CLEC4M: variants seen among roughly 807,000 people sequenced by gnomAD.
CLEC4M encodes C-type lectin domain family 4 member M, also known as CD209 antigen-like protein 1.
CLEC4M carries 25 observed loss-of-function variants against 39.1 expected under a neutral mutation model. The ratio of observed to expected loss-of-function variants is 0.64; its 90% CI spans 0.47 to 0.89. CLEC4M has a LOEUF of 0.89. Among genes scored for constraint, CLEC4M ranks in the 40% least tolerant of loss-of-function variants. CLEC4M has a pLI of 0.00. For synonymous variants in CLEC4M, 155 were observed against 177.4 expected (o/e 0.87, Z 1.00); for missense variants, 353 against 431.4 (o/e 0.82, Z 1.61).
rs987422850 is a variant in CLEC4M at position 7,763,382 on chromosome 19, T to G, written c.47-11T>G. 2 of 1,613,824 alleles carry G rather than the reference T, an allele frequency of 1.2e-6. No homozygotes were observed. The highest frequency in any genetic ancestry group is 3.3e-5 in the Admixed American group (2 of 59,994). On this transcript the variant is annotated splice_polypyrimidine_tract_variant and intron_variant, in intron 1 of 6. Coordinates refer to ENST00000327325, the MANE Select transcript of CLEC4M (RefSeq NM_014257.5). ...ATGGCCCAGGCTCTGAGCTGATGTC[T>G]GTCAATTCAGAAGAAGATCCAACAA...
At chr19:7,767,130 CT>C in intron 5 of CLEC4M, 1 of 452,134 alleles carries the variant, frequency 2.2e-6, no homozygotes, top group Non-Finnish European at 4.1e-6. Flanking sequence ...TCCACTGCGG[CT>C]GATTTCAAGC....
Position 7,763,294 on chromosome 19 carries a change from C to A in CLEC4M, c.28C>A (p.Gln10Lys), listed in dbSNP as rs145497205. ...GAGTGACTCCAAGGAACCAAGGGTG[C>A]AGCAGCTGGGCCTCCTGGGTAAGGC... Reference protein sequence around the residue: MSDSKEPRVQQLGLLEEDPT... With the variant: MSDSKEPRVKQLGLLEEDPT... The change falls in exon 1 of 7, where the codon CAG (glutamine) becomes AAG (lysine). Residue 10 changes from glutamine to lysine, a missense_variant. Gln to Lys is a moderately conservative substitution (Grantham distance 53, BLOSUM62 1). Coordinates refer to ENST00000327325, the MANE Select transcript of CLEC4M (RefSeq NM_014257.5). 1.7e-4 allele frequency: 279 copies of A among 1,608,296 alleles called. 3 individuals are homozygous for A. The highest frequency in any genetic ancestry group is 1.3e-3 in the Middle Eastern group (8 of 5,952).
Position 7,766,805 on chromosome 19 carries a change from C to T in CLEC4M, c.934C>T (p.Gln312Ter). Reference protein sequence around the residue: ...QLVVIKTAEEQNFLQLQTSRS... With the variant: ...QLVVIKTAEE ...CGTCGTAATCAAAACTGCTGAGGAG[C>T]AGGTACACGTGGTGGGGGTCCTCGT... is the stretch of plus-strand genomic sequence containing the variant. The change falls in exon 5 of 7, where the codon CAG becomes TAG. Residue 312 changes from glutamine (Q) to a stop codon, truncating the protein, a stop_gained and splice_region_variant. Transcript: ENST00000327325. LOFTEE classifies it high-confidence loss of function. The T allele has an allele frequency of 6.2e-7, 1 of 1,614,184 alleles. No individual in the cohort carries two copies. The highest frequency in any genetic ancestry group is 8.5e-7 in the Non-Finnish European group (1 of 1,180,022).
chr19:7,767,543 A>G lies in CLEC4M; in HGVS notation c.964A>G (p.Ser322Gly), dbSNP rs1305213227. 4.3e-6 allele frequency: 7 copies of G among 1,614,056 alleles called. No homozygotes were observed. In the Admixed American group the frequency reaches 1.0e-4, roughly 23 times the overall value. ...CTTCCTACAGCTGCAGACTTCCAGG[A>G]GTAACCGCTTCTCCTGGATGGGACT... The part of the protein sequence containing the change: ...QNFLQLQTSR[S>G]NRFSWMGLSD... Residue 322 changes from serine (S) to glycine (G), a missense_variant, in exon 6 of 7, where the codon AGT (serine) becomes GGT (glycine). By Grantham distance (56) the Ser-to-Gly change is moderately conservative (BLOSUM62 0). This residue lies in a region of CLEC4M where 196 missense variants were observed against 211.7 expected (regional missense o/e 0.93). Coordinates refer to ENST00000327325, the MANE Select transcript of CLEC4M (RefSeq NM_014257.5).
chr19:7,768,495 G>A (rs1041503369), intron 6 of CLEC4M: 1 of 179,794 alleles, frequency 5.6e-6, no homozygotes, highest in Non-Finnish European at 1.2e-5. Flanking sequence ...AATCACTTGA[G>A]CCCAGGAGGC....
At chr19:7,764,809 T>C (rs1360811575) in intron 2 of CLEC4M, among the ~76,000 whole-genome samples, 1 of 152,182 alleles carries the variant, frequency 6.6e-6, no homozygotes, top group African/African-American at 2.4e-5. Flanking sequence ...AGTTAATTTT[T>C]AAAGGATTCC....
chr19:7,767,717 C>A, intron 6 of CLEC4M, 89 bp downstream of exon 6: 1 of 1,097,830 alleles, frequency 9.1e-7, no homozygotes, highest in Non-Finnish European at 1.4e-6. Context: ...CCCCCCCAAC[C>A]TCCCTGACCC....
rs2034405070 is a variant in CLEC4M at position 7,768,980 on chromosome 19, G to A, written c.1192G>A (p.Asp398Asn). 6.2e-7 allele frequency: 1 copy of A among 1,614,034 alleles called. No individual in the cohort carries two copies. Residue 398 changes from aspartate (D) to asparagine (N), a missense_variant, in exon 7 of 7, where the codon GAC becomes AAC. Physicochemically the swap from Asp to Asn is conservative, Grantham distance 23. This residue lies in a region of CLEC4M where 196 missense variants were observed against 211.7 expected (regional missense o/e 0.93). Coordinates refer to ENST00000327325, the MANE Select transcript of CLEC4M (RefSeq NM_014257.5). ...ICKKPAACFRDE is the reference protein window; with the variant it reads ...ICKKPAACFRNE ...CAAAAAGCCCGCAGCCTGCTTCAGAGACGAATAGTTGTTTCCCTGCTAGCC... is the reference window on the plus strand; with the variant it reads ...CAAAAAGCCCGCAGCCTGCTTCAGAAACGAATAGTTGTTTCCCTGCTAGCC...
Position 7,766,812 on chromosome 19 carries a change from A to C in CLEC4M, c.936+5A>C. On this transcript the variant is annotated splice_donor_5th_base_variant and intron_variant, in intron 5 of 6. Transcript: ENST00000327325. ...ATCAAAACTGCTGAGGAGCAGGTAC[A>C]CGTGGTGGGGGTCCTCGTCCTGGCC... 1 of 1,614,196 alleles carries C rather than the reference A, an allele frequency of 6.2e-7. No homozygotes were observed. Among genetic ancestry groups the C allele is most frequent in the African/African-American group, 1.3e-5 (1 of 75,052 alleles).
At chr19:7,766,473 C>T in intron 4 of CLEC4M, 183 bp from the exon 5 acceptor site, 2 of 1,458,320 alleles carry the variant, frequency 1.4e-6, no homozygotes, top group Non-Finnish European at 1.8e-6. Context: ...CTCCTGGGTT[C>T]TCCTGGGGAT....
chr19:7,763,516 C>T, intron 2 of CLEC4M, 40 bp downstream of exon 2: 1 of 1,556,492 alleles, frequency 6.4e-7, no homozygotes, highest in South Asian at 1.1e-5. Flanking sequence ...AAGACAGAGC[C>T]TCCCAGACCC....
intron 4 of CLEC4M, 169 bp downstream of exon 4, chr19:7,766,376 T>C (rs2034275713): frequency 1.4e-6 from 2 of 1,470,792 alleles, no homozygotes; most frequent in Non-Finnish European, 9.0e-7. Context: ...AGGCACACAG[T>C]AGACACTCAG....
chr19:7,765,033 T>G (rs923912332), intron 2 of CLEC4M, 152 bp from the exon 3 acceptor site: 33 of 747,798 alleles, frequency 4.4e-5, no homozygotes, highest in Non-Finnish European at 6.6e-6. Context: ...CCTGGGGAGG[T>G]TAGAGCTAGG....
In CLEC4M at chr19:7,768,931, T is replaced by C. The variant is rs371118660; in HGVS notation, c.1143T>C (p.Cys381=). 9 of 1,614,176 alleles carry C rather than the reference T, an allele frequency of 5.6e-6. No individual in the cohort carries two copies. The highest frequency in any genetic ancestry group is 8.5e-7 in the Non-Finnish European group (1 of 1,180,004). ...FSGSGWNDNR[C]DVDNYWICKK... is the part of the protein sequence containing the mutation. ...GCAGTGGCTGGAACGACAATCGATG[T>C]GACGTTGACAATTACTGGATCTGCA... Residue 381 remains cysteine (C), a synonymous_variant, in exon 7 of 7, where the codon TGT becomes TGC. Coordinates refer to ENST00000327325, the MANE Select transcript of CLEC4M (RefSeq NM_014257.5).
Position 7,769,105 on chromosome 19 carries a change from G to A in CLEC4M, c.*117G>A. 1 of 1,078,916 alleles carries A rather than the reference G, an allele frequency of 9.3e-7. No individual in the cohort carries two copies. The highest frequency in any genetic ancestry group is 1.3e-6 in the Non-Finnish European group (1 of 753,980). 66.8% of individuals were successfully genotyped at this position (1,078,916 alleles called of 1,614,324 possible). A position where few individuals can be genotyped will look rare whatever the true frequency, so the allele number is the denominator to read the frequency against. On this transcript the variant is annotated 3_prime_UTR_variant, in exon 7 of 7. Transcript: ENST00000327325. ...CACAAATGCCCTGAGACGGTTCTCTGTTCGATTTTTCATCCCCTATGAACC... is the reference window on the plus strand; with the variant it reads ...CACAAATGCCCTGAGACGGTTCTCTATTCGATTTTTCATCCCCTATGAACC...
Position 7,764,984 on chromosome 19 carries a change from G to A in CLEC4M, c.131-201G>A, listed in dbSNP as rs1171821457. Among the ~76,000 whole-genome samples, 7 of 151,984 alleles carry A rather than the reference G, an allele frequency of 4.6e-5. No individual in the cohort carries two copies. In the East Asian group the frequency reaches 1.4e-3, roughly 29 times the overall value. ...TGGGGGTTGGGACCTAAACTCCTGG[G>A]ACTTGGGGAGGGAGAGGCTGGGGAT... On this transcript the variant is annotated intron_variant, in intron 2 of 6. Coordinates refer to ENST00000327325, the MANE Select transcript of CLEC4M (RefSeq NM_014257.5).
chr19:7,766,672 C>T lies in CLEC4M; in HGVS notation c.801C>T (p.His267=), dbSNP rs755162497. ...LKTAFERLCR[H]CPKDWTFFQG... Reference sequence around the variant, plus strand: ...CCCCAACAGAACGCCTGTGCCGCCACTGTCCCAAGGACTGGACATTCTTCC... The same window carrying T: ...CCCCAACAGAACGCCTGTGCCGCCATTGTCCCAAGGACTGGACATTCTTCC... The change falls in exon 5 of 7, where the codon CAC becomes CAT. Residue 267 remains histidine, a synonymous_variant. Transcript: ENST00000327325. 6.2e-7 allele frequency: 1 copy of T among 1,614,276 alleles called. No individual in the cohort carries two copies. Among genetic ancestry groups the T allele is most frequent in the Non-Finnish European group, 8.5e-7 (1 of 1,180,038 alleles).
chr19:7,764,995 G>A (rs2034185579), intron 2 of CLEC4M, among the ~76,000 whole-genome samples, 190 bp from the exon 3 acceptor site: 1 of 152,060 alleles, frequency 6.6e-6, no homozygotes, highest in African/African-American at 2.4e-5. Flanking sequence ...ACTTGGGGAG[G>A]GAGAGGCTGG....
chr19:7,763,348 G>C (rs1022223698), intron 1 of CLEC4M, 36 bp downstream of exon 1: 1 of 1,612,582 alleles, frequency 6.2e-7, no homozygotes, highest in Non-Finnish European at 8.5e-7. Context: ...TCCTGGGTAA[G>C]GGGAAGGGAT....
Sources: gnomAD v4.1 joint callset for allele counts (sites outside exome capture counted in the v4.1 genomes callset) on GRCh38, gnomAD v4.1.1 for gene constraint, gnomAD v4.1.1 regional missense constraint, MANE v1.5 for transcripts, NCBI Gene and HGNC (gene_info 2026-07-23, HGNC 2026-07-21) for gene names.